Variants in SS18 observed in about 807,000 individuals in gnomAD.
SS18 encodes the protein SS18 subunit of BAF chromatin remodeling complex.
In SS18, 28 loss-of-function variants were observed where a neutral mutation model predicts 72.5. The observed-to-expected ratio is 0.39, with a 90% CI of 0.29 to 0.53. SS18 has a LOEUF of 0.53. Among genes scored for constraint, SS18 ranks in the 20% least tolerant of loss-of-function variants. The probability of loss-of-function intolerance (pLI) is 0.76; values close to 1 mark genes in which losing one functional copy is unlikely to be tolerated. For synonymous variants in SS18, 172 were observed against 164.2 expected, an observed-to-expected ratio of 1.05 and a Z score of -0.37; for missense variants, 518 against 535.3, an observed-to-expected ratio of 0.97 and a Z score of 0.32.
At chr18:26,043,227 C>T (rs1479885585) in intron 5 of SS18, among the ~76,000 whole-genome samples, 3 of 152,152 alleles carry the variant, frequency 2.0e-5, no homozygotes, top group Non-Finnish European at 2.9e-5. Flanking sequence ...GTCCAAAGCC[C>T]GTGCTCTTAA....
intron 5 of SS18, among the ~76,000 whole-genome samples, chr18:26,040,129 T>G (rs896243009): frequency 1.8e-4 from 28 of 152,112 alleles, no homozygotes; most frequent in Admixed American, 1.6e-3. Flanking sequence ...ACATAAAGAC[T>G]CTCACACCTC....
At chr18:26,059,118 C>T (rs1392468895) in intron 3 of SS18, among the ~76,000 whole-genome samples, 1 of 152,130 alleles carries the variant, frequency 6.6e-6, no homozygotes, top group Non-Finnish European at 1.5e-5. Context: ...TTACTGTTAC[C>T]ACCATGCTAG....
Position 26,039,388 on chromosome 18 carries a change from G to C in SS18, c.676C>G (p.Gln226Glu). 6.2e-7 allele frequency: 1 copy of C among 1,613,794 alleles called. No homozygotes were observed. Among genetic ancestry groups the C allele is most frequent in the Non-Finnish European group, 8.5e-7 (1 of 1,179,872 alleles). ...ATTCCCATAGGTGGCTGCTGTCCTT[G>C]GTAATGCTGTCCGCCTCCCTGTGGC... The part of the protein sequence containing the change: ...NMPQGGGQHY[Q>E]GQQPPMGMMG... Residue 226 changes from glutamine (Q) to glutamate (E), a missense_variant, in exon 6 of 11, where the codon CAA (glutamine) becomes GAA (glutamate). Coordinates refer to ENST00000415083, the MANE Select transcript of SS18 (RefSeq NM_001007559.3).
intron 3 of SS18, among the ~76,000 whole-genome samples, chr18:26,068,731 A>T (rs2054262195): frequency 6.6e-6 from 1 of 152,192 alleles, no homozygotes; most frequent in South Asian, 2.1e-4. Flanking sequence ...GTCAAATATG[A>T]TGTTACCAAA....
chr18:26,034,177 C>T (rs1208893360), intron 9 of SS18, among the ~76,000 whole-genome samples: 2 of 152,082 alleles, frequency 1.3e-5, no homozygotes, highest in African/African-American at 2.4e-5. Context: ...GATTTGCTAT[C>T]ACAGGTAGAC....
intron 7 of SS18, among the ~76,000 whole-genome samples, chr18:26,037,717 T>C (rs2053648938): frequency 1.3e-5 from 2 of 152,140 alleles, no homozygotes; most frequent in African/African-American, 4.8e-5. Flanking sequence ...CAAAGGATCA[T>C]ATACATGAAT....
chr18:26,057,726 A>G lies in SS18; in HGVS notation c.248T>C (p.Met83Thr). The part of the protein sequence containing the change: ...SLLPAPPTQN[M>T]PMGPGGMNQS... ...ATTCATCCCTCCAGGACCCATAGGC[A>G]TATTCTGTGTGGGTGGCTGAAAGAA... Residue 83 changes from methionine to threonine, a missense_variant, in exon 4 of 11, where the codon ATG (methionine) becomes ACG (threonine). Coordinates refer to ENST00000415083, the MANE Select transcript of SS18 (RefSeq NM_001007559.3). 6.2e-7 allele frequency: 1 copy of G among 1,608,942 alleles called. No individual in the cohort carries two copies. The highest frequency in any genetic ancestry group is 1.1e-5 in the South Asian group (1 of 90,588).
intron 5 of SS18, among the ~76,000 whole-genome samples, chr18:26,043,461 T>C (rs2053765118): frequency 6.6e-6 from 1 of 152,202 alleles, no homozygotes; most frequent in South Asian, 2.1e-4. Context: ...GCTTACATTT[T>C]ACTATTTGTT....
rs1406864314 is a variant in SS18 at position 26,035,144 on chromosome 18, G to A, written c.974-17C>T. 1.2e-6 allele frequency: 2 copies of A among 1,606,074 alleles called. No individual in the cohort carries two copies. The highest frequency in any genetic ancestry group is 1.7e-5 in the Admixed American group (1 of 58,282). Reference sequence around the variant, plus strand: ...GTGAATTTCCTACAGGATAATTGGAGAAGAGGAAAAAAAACTGAGAAGTCT... The same window carrying A: ...GTGAATTTCCTACAGGATAATTGGAAAAGAGGAAAAAAAACTGAGAAGTCT... On this transcript the variant is annotated splice_polypyrimidine_tract_variant and intron_variant, in intron 8 of 10. Transcript: ENST00000415083. This position sits in a 1 kb window ranked among gnomAD's most constrained non-coding sequence, Gnocchi z 4.4.
chr18:26,079,470 TAATAAA>T (rs2054478107), intron 2 of SS18, among the ~76,000 whole-genome samples: 2 of 152,200 alleles, frequency 1.3e-5, no homozygotes, highest in African/African-American at 2.4e-5. Flanking sequence ...CAAATTAAAA[TAATAAA>T]AATAAGTTTT....
chr18:26,080,710 T>C (rs1402780454), intron 2 of SS18, among the ~76,000 whole-genome samples: 2 of 152,204 alleles, frequency 1.3e-5, no homozygotes, highest in Admixed American at 1.3e-4. Flanking sequence ...AGCAAAGTCT[T>C]GTATATTTTT....
intron 1 of SS18, among the ~76,000 whole-genome samples, chr18:26,088,601 A>C (rs2054657597): frequency 6.6e-6 from 1 of 152,228 alleles, no homozygotes; most frequent in African/African-American, 2.4e-5. Flanking sequence ...TCATCTAAGT[A>C]AAGTGGAGCT....
intron 10 of SS18, among the ~76,000 whole-genome samples, chr18:26,018,985 T>C (rs1234603279): frequency 6.6e-6 from 1 of 152,124 alleles, no homozygotes; most frequent in East Asian, 1.9e-4. Flanking sequence ...TGTTGTCTGT[T>C]TTGTTTTCTT....
At chr18:26,064,448 T>C (rs1413782645) in intron 3 of SS18, among the ~76,000 whole-genome samples, 2 of 152,190 alleles carry the variant, frequency 1.3e-5, no homozygotes, top group East Asian at 3.8e-4. Context: ...TGAAATTTAT[T>C]ACAGGAATGT....
chr18:26,075,355 C>G (rs933449924), intron 3 of SS18, among the ~76,000 whole-genome samples: 1 of 151,838 alleles, frequency 6.6e-6, no homozygotes, highest in South Asian at 2.1e-4. Flanking sequence ...ATCGCAATTT[C>G]TTTAAAAACA....
chr18:26,090,498 C>T lies in SS18; in HGVS notation c.69+3G>A. The T allele has an allele frequency of 6.4e-7, 1 of 1,570,130 alleles. No homozygotes were observed. The highest frequency in any genetic ancestry group is 8.6e-7 in the Non-Finnish European group (1 of 1,157,700). On this transcript the variant is annotated splice_donor_region_variant and intron_variant, in intron 1 of 10. Coordinates refer to ENST00000415083, the MANE Select transcript of SS18 (RefSeq NM_001007559.3). ...TGGCATCCGCAACCCCGCGCGGTTT[C>T]ACCTTCTGAATCGCAGCGGGAGTGA...
intron 3 of SS18, among the ~76,000 whole-genome samples, chr18:26,058,846 G>A (rs1042101881): frequency 3.3e-5 from 5 of 152,168 alleles, no homozygotes; most frequent in African/African-American, 1.2e-4. Context: ...TCTCCAACTT[G>A]TATTCTTTAA....
intron 10 of SS18, among the ~76,000 whole-genome samples, chr18:26,022,294 C>T (rs1262077617): frequency 1.3e-5 from 2 of 151,992 alleles, no homozygotes; most frequent in Non-Finnish European, 2.9e-5. Context: ...CAAAGCGATG[C>T]TTTTAAAGAG....
At chr18:26,086,087 C>CTTA (rs1180561675) in intron 2 of SS18, 2 of 151,500 alleles carry the variant, frequency 1.3e-5, no homozygotes, top group African/African-American at 4.8e-5. Flanking sequence ...AGGCTTTTTT[C>CTTA]TTATTATTCC....
Sources: gnomAD v4.1 joint callset for allele counts (sites outside exome capture counted in the v4.1 genomes callset) on GRCh38, gnomAD v4.1.1 for gene constraint, Gnocchi (gnomAD v3.1) non-coding constraint, MANE v1.5 for transcripts, NCBI Gene and HGNC (gene_info 2026-07-23, HGNC 2026-07-21) for gene names.